CELSR1: variants seen among roughly 807,000 people sequenced by gnomAD.
The protein encoded by CELSR1 is cadherin EGF LAG seven-pass G-type receptor 1, also known as adhesion G protein-coupled receptor C1.
A neutral mutation model predicts 249.1 loss-of-function variants in CELSR1; 110 were observed. That is an observed-to-expected ratio of 0.44 (90% CI 0.38 to 0.52). The LOEUF is 0.52. CELSR1 is among the 20% of genes least tolerant of loss of function. The pLI, the probability that CELSR1 is intolerant of heterozygous loss-of-function variation, is 0.00. For missense variants in CELSR1, 4,109 were observed against 4,296.4 expected, an observed-to-expected ratio of 0.96 and a Z score of 1.22; for synonymous variants, 2,113 against 1,900.0, an observed-to-expected ratio of 1.11 and a Z score of -2.92.
Position 46,412,325 on chromosome 22 carries a change from C to G in CELSR1, c.4612-566G>C, listed in dbSNP as rs1267672526. Among the ~76,000 whole-genome samples, 3 of 152,166 alleles carry G rather than the reference C, an allele frequency of 2.0e-5. No individual in the cohort carries two copies. The highest frequency in any genetic ancestry group is 4.4e-5 in the Non-Finnish European group (3 of 68,022). On this transcript the variant is annotated intron_variant, in intron 5 of 34. Coordinates refer to ENST00000674500, the MANE Select transcript of CELSR1 (RefSeq NM_001378328.1). This position sits in a 1 kb window ranked among gnomAD's most constrained non-coding sequence, Gnocchi z 4.5. ...TCCGTGGTACTTTGTGATGGTGGCCCCAGGAAATGAAGTTGCAGCCAACAC... is the reference window on the plus strand; with the variant it reads ...TCCGTGGTACTTTGTGATGGTGGCCGCAGGAAATGAAGTTGCAGCCAACAC...
intron 2 of CELSR1, among the ~76,000 whole-genome samples, chr22:46,444,046 C>T (rs1049211605): frequency 2.0e-5 from 3 of 152,222 alleles, no homozygotes; most frequent in Admixed American, 6.5e-5. Context: ...TTCCCACAGC[C>T]GCTTCTGTCT....
rs1055164925 is a variant in CELSR1, at chr22:46,417,934, C to A, written c.4612-6175G>T. Among the ~76,000 whole-genome samples the A allele has an allele frequency of 2.6e-5, 4 of 152,230 alleles. No individual in the cohort carries two copies. The highest frequency in any genetic ancestry group is 9.6e-5 in the African/African-American group (4 of 41,456). On this transcript the variant is annotated intron_variant, in intron 5 of 34. Coordinates refer to ENST00000674500, the MANE Select transcript of CELSR1 (RefSeq NM_001378328.1). This position sits in a 1 kb window ranked among gnomAD's most constrained non-coding sequence, Gnocchi z 4.1. The stretch of plus-strand genomic sequence containing the variant: ...GTCCACAGCATCCAATGGACATCAC[C>A]TCCTTAAAGCCAAGGGTCCATATCC...
chr22:46,483,499 C>T (rs990891015), intron 1 of CELSR1, among the ~76,000 whole-genome samples: 1 of 150,698 alleles, frequency 6.6e-6, no homozygotes, highest in Non-Finnish European at 1.5e-5. Context: ...CAATCCCACT[C>T]TGCCACCCAC....
chr22:46,511,208 T>C (rs532619062), intron 1 of CELSR1, among the ~76,000 whole-genome samples: 1 of 151,986 alleles, frequency 6.6e-6, no homozygotes, highest in Non-Finnish European at 1.5e-5. Flanking sequence ...TGTTTTTACA[T>C]AGAAGATGGA....
intron 23 of CELSR1, among the ~76,000 whole-genome samples, 197 bp downstream of exon 23, chr22:46,378,394 A>G (rs2078941342): frequency 6.6e-6 from 1 of 152,124 alleles, no homozygotes. Flanking sequence ...CAATCCTCGA[A>G]TATGTGTTTT....
At chr22:46,513,529 G>C (rs921475466) in intron 1 of CELSR1, among the ~76,000 whole-genome samples, 6 of 146,474 alleles carry the variant, frequency 4.1e-5, no homozygotes, top group Admixed American at 3.3e-4. Context: ...AAAATCTTAG[G>C]AGCCAAGATC....
chr22:46,498,452 A>C (rs1178109786), intron 1 of CELSR1, among the ~76,000 whole-genome samples: 1 of 151,594 alleles, frequency 6.6e-6, no homozygotes, highest in Non-Finnish European at 1.5e-5. Flanking sequence ...TCTACTAAAA[A>C]TACAAAAAAA....
intron 1 of CELSR1, among the ~76,000 whole-genome samples, chr22:46,523,260 G>A (rs1489078776): frequency 6.6e-6 from 1 of 152,208 alleles, no homozygotes; most frequent in Non-Finnish European, 1.5e-5. Context: ...CTGGTGCAGT[G>A]GCTGATGCCT....
intron 1 of CELSR1, among the ~76,000 whole-genome samples, chr22:46,520,021 G>A (rs760060537): frequency 1.5e-4 from 23 of 152,026 alleles, no homozygotes; most frequent in Non-Finnish European, 3.1e-4. Context: ...ACAGGCACCC[G>A]CTACCACATC....
rs2079175033 is a variant in CELSR1 at position 46,398,485 on chromosome 22, G to A, written c.5526+39C>T. The A allele has an allele frequency of 6.8e-7, 1 of 1,468,310 alleles. No individual in the cohort carries two copies. Among genetic ancestry groups the A allele is most frequent in the Non-Finnish European group, 9.3e-7 (1 of 1,070,434 alleles). The allele number at this position is 1,468,310 out of a possible 1,614,324, so 91.0% of individuals were successfully genotyped here. On this transcript the variant is annotated intron_variant, in intron 11 of 34. Transcript: ENST00000674500. This position sits in a 1 kb window ranked among gnomAD's most constrained non-coding sequence, Gnocchi z 7.2. ...CTGCCAGCCTCGGAGCTGCCTGTGA[G>A]GGGCAGGCCTCCCCCCGCCCCCCAC...
intron 1 of CELSR1, among the ~76,000 whole-genome samples, chr22:46,514,384 G>A (rs546261135): frequency 3.9e-5 from 6 of 152,138 alleles, no homozygotes; most frequent in African/African-American, 1.2e-4. Flanking sequence ...CCACCCAGAC[G>A]TTTCACCAGG....
chr22:46,457,392 A>G (rs973610832), intron 2 of CELSR1, among the ~76,000 whole-genome samples: 2 of 152,100 alleles, frequency 1.3e-5, no homozygotes, highest in African/African-American at 4.8e-5. Context: ...TCCTAAAAGC[A>G]GGTGATCAAG....
rs2079836717 is a variant in CELSR1 at position 46,447,762 on chromosome 22, G to A, written c.4184-8351C>T. On this transcript the variant is annotated intron_variant, in intron 2 of 34. Transcript: ENST00000674500. The surrounding 1 kb of genome is among the most constrained non-coding windows in gnomAD (Gnocchi z 4.7). Reference sequence around the variant, plus strand: ...AGCCTCCCGAGTTGCTGGGATTACAGGTGCACACCACCACACCTGGCTAAT... The same window carrying A: ...AGCCTCCCGAGTTGCTGGGATTACAAGTGCACACCACCACACCTGGCTAAT... 6.6e-6 allele frequency among the ~76,000 whole-genome samples: 1 copy of A among 152,166 alleles called. No individual in the cohort carries two copies. Among genetic ancestry groups the A allele is most frequent in the Non-Finnish European group, 1.5e-5 (1 of 68,030 alleles).
chr22:46,520,129 C>T (rs2080670578), intron 1 of CELSR1, among the ~76,000 whole-genome samples: 1 of 152,110 alleles, frequency 6.6e-6, no homozygotes, highest in Non-Finnish European at 1.5e-5. Context: ...CCGCCTCGGC[C>T]TCCCAAAGTG....
In CELSR1 at chr22:46,425,500, G is replaced by A. The variant is rs2079526638; in HGVS notation, c.4611+7893C>T. ...ATTCAAAGGACTGACTTCATCTTGG[G>A]TGAGTTGTAGTAGTTTGTGTTTTTT... is the stretch of plus-strand genomic sequence containing the variant. On this transcript the variant is annotated intron_variant, in intron 5 of 34. Transcript: ENST00000674500. Among the ~76,000 whole-genome samples the A allele has an allele frequency of 3.3e-5, 5 of 152,164 alleles. No individual in the cohort carries two copies. In the South Asian group the frequency reaches 1.0e-3, roughly 32 times the overall value.
At chr22:46,496,578 T>C (rs4823826) in intron 1 of CELSR1, among the ~76,000 whole-genome samples, 101,722 of 151,962 alleles carry the variant, frequency 0.67, 35,147 homozygotes, top group East Asian at 0.98. Flanking sequence ...AAAAAATATA[T>C]ATATTTTTTC....
intron 1 of CELSR1, among the ~76,000 whole-genome samples, chr22:46,498,611 CAAAA>C (rs35803268): frequency 9.2e-6 from 1 of 109,062 alleles, no homozygotes. Context: ...GACTCTGTCT[CAAAA>C]AAAAAAAAAA....
Position 46,396,756 on chromosome 22 carries a change from C to G in CELSR1, c.5702-10G>C. The G allele has an allele frequency of 6.2e-7, 1 of 1,610,386 alleles. No individual in the cohort carries two copies. Among genetic ancestry groups the G allele is most frequent in the Non-Finnish European group, 8.5e-7 (1 of 1,178,366 alleles). On this transcript the variant is annotated splice_polypyrimidine_tract_variant and intron_variant, in intron 12 of 34. Coordinates refer to ENST00000674500, the MANE Select transcript of CELSR1 (RefSeq NM_001378328.1). This position sits in a 1 kb window ranked among gnomAD's most constrained non-coding sequence, Gnocchi z 6.4. ...TTTATTCCAAGGTACCCTGCAAGGA[C>G]AGAGCCAGCATTACCTCCACCCACA...
At position 46,473,078 on chromosome 22, in the gene CELSR1, T is replaced by C. The variant is rs1602185037; in HGVS notation, c.3545-8733A>G. Among the ~76,000 whole-genome samples, 1 of 150,476 alleles carries C rather than the reference T, an allele frequency of 6.6e-6. No individual in the cohort carries two copies. Among genetic ancestry groups the C allele is most frequent in the African/African-American group, 2.5e-5 (1 of 40,772 alleles). ...GAGACACGGGCACGGAGGCAGGGGG[T>C]GGGTGAACCTCCGACTGCTGCCGGC... On this transcript the variant is annotated intron_variant, in intron 1 of 34. Transcript: ENST00000674500. The surrounding 1 kb of genome is among the most constrained non-coding windows in gnomAD (Gnocchi z 6.6).
Sources: allele counts gnomAD v4.1 joint callset (sites outside exome capture counted in the v4.1 genomes callset), GRCh38; gene constraint gnomAD v4.1.1; non-coding constraint Gnocchi (gnomAD v3.1); transcripts MANE v1.5; gene names NCBI Gene and HGNC (gene_info 2026-07-23, HGNC 2026-07-21).